The following CCDC180 variants were observed in gnomAD, a reference collection of about 807,000 sequenced individuals.
The protein encoded by CCDC180 is coiled-coil domain-containing protein 180.
CCDC180 carries 154 observed loss-of-function variants against 209.2 expected under a neutral mutation model. The observed-to-expected ratio is 0.74, with a 90% CI of 0.65 to 0.84. CCDC180 has a LOEUF of 0.84. Ranked by LOEUF, CCDC180 falls within the 40% of genes least tolerant of loss-of-function variation. CCDC180 has a pLI of 0.00. For missense variants in CCDC180, 1,874 were observed against 1,997.3 expected (o/e 0.94, Z 1.18); for synonymous variants, 778 against 749.1 (o/e 1.04, Z -0.63).
chr9:97,338,979 AC>A (rs1419079577), intron 18 of CCDC180, among the ~76,000 whole-genome samples: 5 of 149,206 alleles, frequency 3.4e-5, no homozygotes, highest in African/African-American at 1.2e-4. Context: ...TAGGATTGTA[AC>A]CCCTGCTTTT....
rs755991060 is a variant in CCDC180 at position 97,317,121 on chromosome 9, C to T, written c.852C>T (p.Asn284=). 1.3e-5 allele frequency: 21 copies of T among 1,613,410 alleles called. No homozygotes were observed. The highest frequency in any genetic ancestry group is 3.3e-5 in the Admixed American group (2 of 60,002). The change falls in exon 9 of 37, where the codon AAC becomes AAT. Residue 284 remains asparagine (N), a synonymous_variant. Coordinates refer to ENST00000529487, the MANE Select transcript of CCDC180 (RefSeq NM_020893.6). ...AGGCTCTCGCCCAGCTGTTTGTCAA[C>T]CTGATGGAGTCCACCCTGCAGCAGG... is the stretch of plus-strand genomic sequence containing the variant. ...NRKALAQLFV[N]LMESTLQQEL...
At position 97,322,909 on chromosome 9, in the gene CCDC180, G is replaced by T. The variant is rs769971528; in HGVS notation, c.1236G>T (p.Val412=). ...CATGGCAGGAGTGCCTGATGCATGT[G>T]CAGAATTGTAAGGTGGGCACCCTTC... ...EKTWQECLMH[V]QNCKKQLLDW... is the part of the protein sequence containing the mutation. Residue 412 remains valine, a synonymous_variant, in exon 12 of 37, where the codon GTG becomes GTT. Coordinates refer to ENST00000529487, the MANE Select transcript of CCDC180 (RefSeq NM_020893.6). 1.2e-6 allele frequency: 2 copies of T among 1,613,856 alleles called. No homozygotes were observed. The highest frequency in any genetic ancestry group is 2.2e-5 in the South Asian group (2 of 91,064).
intron 3 of CCDC180, among the ~76,000 whole-genome samples, chr9:97,309,971 C>T (rs10981546): frequency 2.0e-5 from 3 of 152,180 alleles, no homozygotes; most frequent in Admixed American, 6.5e-5. Flanking sequence ...GGAGGATCAG[C>T]TGAAACCAGA....
chr9:97,370,529 C>T (rs1395598919), intron 32 of CCDC180, 112 bp from the exon 33 acceptor site: 6 of 1,250,642 alleles, frequency 4.8e-6, no homozygotes, highest in Non-Finnish European at 6.8e-6. Flanking sequence ...CACCCCCACA[C>T]ACCCAGGTCA....
chr9:97,357,562 C>A, intron 24 of CCDC180, 65 bp from the exon 25 acceptor site: 1 of 1,082,294 alleles, frequency 9.2e-7, no homozygotes, highest in Non-Finnish European at 1.4e-6. Flanking sequence ...GTATGTTTCA[C>A]AGAATGTTTC....
chr9:97,352,050 T>A (rs1398612328), intron 22 of CCDC180, among the ~76,000 whole-genome samples: 1 of 147,524 alleles, frequency 6.8e-6, no homozygotes, highest in Non-Finnish European at 1.5e-5. Flanking sequence ...GAGGCGGAGG[T>A]TGCCGTGAGC....
In CCDC180 at chr9:97,345,382, G is replaced by A. The variant is rs559268700; in HGVS notation, c.2498+1819G>A. ...CCACAACGTCAGTGGTATTGTCAGT[G>A]GTTTTTATTTTAGCTGTTCTGATAT... On this transcript the variant is annotated intron_variant, in intron 19 of 36. Coordinates refer to ENST00000529487, the MANE Select transcript of CCDC180 (RefSeq NM_020893.6). Among the ~76,000 whole-genome samples the A allele has an allele frequency of 1.5e-3, 221 of 152,206 alleles. 1 individual carries two copies. Among genetic ancestry groups the A allele is most frequent in the African/African-American group, 5.0e-3 (208 of 41,528 alleles).
chr9:97,375,409 A>G (rs1281618218), intron 35 of CCDC180, 45 bp from the exon 36 acceptor site: 2 of 1,610,618 alleles, frequency 1.2e-6, no homozygotes, highest in Non-Finnish European at 1.7e-6. Flanking sequence ...GGATTATGAA[A>G]GATGAAGACA....
In CCDC180 at chr9:97,366,621, C is replaced by CCAGTGCGCCGAGAA; in HGVS notation, c.4113_4126dup (p.Ile1376SerfsTer26). On this transcript the variant is annotated frameshift_variant, in exon 31 of 37. Transcript: ENST00000529487. LOFTEE classifies it high-confidence loss of function. The surrounding 1 kb of genome is among the most constrained non-coding windows in gnomAD (Gnocchi z 4.3). ...CTGACTGCATGTGTGACACCTTTGA[C>CCAGTGCGCCGAGAA]CAGTGCGCCGAGAACATTAGCAAAA... 1.2e-6 allele frequency: 2 copies of CCAGTGCGCCGAGAA among 1,614,198 alleles called. No homozygotes were observed. The highest frequency in any genetic ancestry group is 1.7e-6 in the Non-Finnish European group (2 of 1,180,020).
intron 18 of CCDC180, among the ~76,000 whole-genome samples, chr9:97,333,519 T>TG: frequency 6.7e-6 from 1 of 150,028 alleles, no homozygotes; most frequent in African/African-American, 2.4e-5. Flanking sequence ...TTTTTTTTTT[T>TG]TTTTTTTTTT....
chr9:97,346,668 A>T (rs1455182089), intron 19 of CCDC180, among the ~76,000 whole-genome samples: 2 of 152,356 alleles, frequency 1.3e-5, no homozygotes, highest in African/African-American at 4.8e-5. Context: ...GCTGGAGTTC[A>T]GTGGCATGAC....
chr9:97,309,647 C>T (rs757922685), intron 3 of CCDC180, 43 bp downstream of exon 3: 4 of 1,455,082 alleles, frequency 2.7e-6, no homozygotes, highest in East Asian at 2.7e-5. Flanking sequence ...CACTAGGGTA[C>T]CTGAGCCTTC....
chr9:97,368,743 T>A (rs1215056022), intron 31 of CCDC180, among the ~76,000 whole-genome samples: 1 of 152,196 alleles, frequency 6.6e-6, no homozygotes, highest in Non-Finnish European at 1.5e-5. Context: ...GTTGGACATA[T>A]AACAAATTCT....
chr9:97,357,204 C>A (rs1338870271), intron 24 of CCDC180, among the ~76,000 whole-genome samples: 1 of 152,142 alleles, frequency 6.6e-6, no homozygotes, highest in Non-Finnish European at 1.5e-5. Flanking sequence ...TCTAAGCTTT[C>A]CAGGGAGTTT....
chr9:97,358,712 C>T (rs1200079723), intron 25 of CCDC180, among the ~76,000 whole-genome samples: 2 of 152,094 alleles, frequency 1.3e-5, no homozygotes, highest in Non-Finnish European at 2.9e-5. Flanking sequence ...ACTCAGTCTC[C>T]CCTGGCCTGT....
intron 18 of CCDC180, among the ~76,000 whole-genome samples, chr9:97,342,086 T>A (rs1471446467): frequency 6.6e-6 from 1 of 152,222 alleles, no homozygotes; most frequent in Non-Finnish European, 1.5e-5. Context: ...CTGTCATGGC[T>A]TCCCTTGGCT....
At chr9:97,319,829 A>T (rs1199246390) in intron 10 of CCDC180, among the ~76,000 whole-genome samples, 2 of 152,210 alleles carry the variant, frequency 1.3e-5, no homozygotes, top group Non-Finnish European at 1.5e-5. Context: ...ATGCCATCTC[A>T]GATTAAGTCC....
chr9:97,360,309 T>C lies in CCDC180; in HGVS notation c.3483+208T>C, dbSNP rs530781143. Among the ~76,000 whole-genome samples the C allele has an allele frequency of 3.3e-5, 5 of 152,112 alleles. No homozygotes were observed. In the East Asian group the frequency reaches 9.7e-4, roughly 30 times the overall value. On this transcript the variant is annotated intron_variant, in intron 26 of 36. Coordinates refer to ENST00000529487, the MANE Select transcript of CCDC180 (RefSeq NM_020893.6). ...CCAGGGGGCCACTTCCTTGCATTGG[T>C]CTCAGAGGAGACCCCTCAGCTCCTG...
intron 18 of CCDC180, among the ~76,000 whole-genome samples, chr9:97,342,649 A>G (rs982780576): frequency 6.6e-6 from 1 of 152,136 alleles, no homozygotes; most frequent in African/African-American, 2.4e-5. Context: ...TCACTCTTCA[A>G]CCTTCAACTG....
Sources: gnomAD v4.1 joint callset for allele counts (sites outside exome capture counted in the v4.1 genomes callset) on GRCh38, gnomAD v4.1.1 for gene constraint, Gnocchi (gnomAD v3.1) non-coding constraint, MANE v1.5 for transcripts, NCBI Gene and HGNC (gene_info 2026-07-23, HGNC 2026-07-21) for gene names.